Variants in TLL1 observed in about 807,000 individuals in gnomAD.
The protein encoded by TLL1 is tolloid like 1, also known as tolloid-like protein 1.
Under a neutral mutation model 128.2 loss-of-function variants are expected in TLL1, and 49 were observed. That is an observed-to-expected ratio of 0.38 (90% CI 0.30 to 0.48). The LOEUF is 0.48. Ranked by LOEUF, TLL1 falls within the 20% of genes least tolerant of loss-of-function variation. The pLI, the probability that TLL1 is intolerant of heterozygous loss-of-function variation, is 0.96. For synonymous variants in TLL1, 454 were observed against 418.8 expected, an observed-to-expected ratio of 1.08 and a Z score of -1.03; for missense variants, 1,123 against 1,242.0, an observed-to-expected ratio of 0.90 and a Z score of 1.44.
intron 9 of TLL1, among the ~76,000 whole-genome samples, chr4:166,026,493 C>G (rs1738497181): frequency 6.6e-6 from 1 of 152,038 alleles, no homozygotes; most frequent in Non-Finnish European, 1.5e-5. Flanking sequence ...TTGAGACCAG[C>G]CTGGCCAACA....
intron 1 of TLL1, among the ~76,000 whole-genome samples, chr4:165,924,987 T>G (rs1247667636): frequency 1.3e-5 from 2 of 152,202 alleles, no homozygotes; most frequent in Admixed American, 1.3e-4. Context: ...TTAAGTCCAC[T>G]GTGGAGACTT....
At chr4:166,084,285 C>G (rs959659194) in intron 18 of TLL1, among the ~76,000 whole-genome samples, 2 of 151,972 alleles carry the variant, frequency 1.3e-5, no homozygotes, top group African/African-American at 4.8e-5. Context: ...TGGATATTAG[C>G]CTGGTATCAG....
intron 12 of TLL1, among the ~76,000 whole-genome samples, chr4:166,047,380 G>A (rs921232079): frequency 4.0e-5 from 6 of 151,342 alleles, no homozygotes; most frequent in African/African-American, 1.2e-4. Flanking sequence ...TAGCCAGGAT[G>A]GTCTCGATCT....
intron 1 of TLL1, among the ~76,000 whole-genome samples, chr4:165,914,560 G>A (rs1238456141): frequency 6.6e-6 from 1 of 152,200 alleles, no homozygotes; most frequent in African/African-American, 2.4e-5. Context: ...CAATTTCATA[G>A]ATGCTCACAG....
At chr4:166,022,792 A>G (rs1738304638) in intron 8 of TLL1, among the ~76,000 whole-genome samples, 1 of 152,232 alleles carries the variant, frequency 6.6e-6, no homozygotes, top group Non-Finnish European at 1.5e-5. Flanking sequence ...GAACATACAT[A>G]TGGATTATCT....
At chr4:165,886,091 G>A (rs151313817) in intron 1 of TLL1, among the ~76,000 whole-genome samples, 224 of 152,098 alleles carry the variant, frequency 1.5e-3, no homozygotes, top group East Asian at 4.8e-3. Flanking sequence ...GCCAAAGCAA[G>A]TTTCACTTTT....
intron 12 of TLL1, among the ~76,000 whole-genome samples, chr4:166,047,170 CT>C (rs1033656240): frequency 3.0e-4 from 45 of 148,058 alleles, no homozygotes; most frequent in African/African-American, 5.7e-4. Context: ...GTTTATTATT[CT>C]TTTTTTTTTG....
At chr4:166,019,161 G>C (rs978046297) in intron 8 of TLL1, among the ~76,000 whole-genome samples, 1 of 152,128 alleles carries the variant, frequency 6.6e-6, no homozygotes, top group Non-Finnish European at 1.5e-5. Context: ...CAGCCGCATG[G>C]ATGGAGCTGG....
intron 1 of TLL1, among the ~76,000 whole-genome samples, chr4:165,950,731 A>G (rs184136037): frequency 2.0e-5 from 3 of 152,238 alleles, no homozygotes; most frequent in African/African-American, 7.2e-5. Context: ...GAAAATATAT[A>G]TGCAACATCA....
chr4:166,000,509 G>A (rs1460985347), intron 5 of TLL1, among the ~76,000 whole-genome samples: 1 of 152,096 alleles, frequency 6.6e-6, no homozygotes, highest in Non-Finnish European at 1.5e-5. Flanking sequence ...ATGCTAAAAA[G>A]GATGTTTTAG....
chr4:166,005,182 T>TA (rs1392898250), intron 6 of TLL1, among the ~76,000 whole-genome samples: 1 of 152,064 alleles, frequency 6.6e-6, no homozygotes, highest in Admixed American at 6.6e-5. Context: ...GAAATATTGA[T>TA]AAAACAGCAT....
intron 14 of TLL1, among the ~76,000 whole-genome samples, chr4:166,058,296 T>C (rs1171889766): frequency 6.6e-6 from 1 of 152,154 alleles, no homozygotes; most frequent in Non-Finnish European, 1.5e-5. Context: ...CTATCCATCA[T>C]TTGTTTTTAT....
intron 1 of TLL1, among the ~76,000 whole-genome samples, chr4:165,918,257 G>C (rs1394809440): frequency 6.6e-6 from 1 of 152,066 alleles, no homozygotes; most frequent in African/African-American, 2.4e-5. Flanking sequence ...TTAGATTTAA[G>C]GGTGACAGAA....
chr4:165,985,277 T>C (rs1179280175), intron 1 of TLL1, among the ~76,000 whole-genome samples: 3 of 151,978 alleles, frequency 2.0e-5, no homozygotes, highest in African/African-American at 7.2e-5. Flanking sequence ...AGGAAGGTTT[T>C]TCTGGGAAGG....
chr4:166,031,093 C>T (rs1738745851), intron 9 of TLL1: 1 of 797,774 alleles, frequency 1.3e-6, no homozygotes, highest in African/African-American at 1.9e-5. Context: ...TAAAATGAAG[C>T]TGCTTAAGAT....
At chr4:166,024,755 T>C (rs999522297) in intron 8 of TLL1, among the ~76,000 whole-genome samples, 1 of 152,210 alleles carries the variant, frequency 6.6e-6, no homozygotes, top group African/African-American at 2.4e-5. Flanking sequence ...ATTTACATCT[T>C]TTTGGAAAAT....
chr4:165,975,228 G>A (rs563181398), intron 1 of TLL1, among the ~76,000 whole-genome samples: 1 of 152,148 alleles, frequency 6.6e-6, no homozygotes, highest in African/African-American at 2.4e-5. Flanking sequence ...CCCAGAATCT[G>A]GGAATAAATT....
chr4:165,999,023 G>T (rs760069562), intron 5 of TLL1, among the ~76,000 whole-genome samples: 3 of 151,908 alleles, frequency 2.0e-5, no homozygotes, highest in African/African-American at 7.3e-5. Context: ...GAAGGTCCTC[G>T]TCTCCATTTG....
At chr4:165,914,246 C>A (rs1732679483) in intron 1 of TLL1, among the ~76,000 whole-genome samples, 1 of 152,096 alleles carries the variant, frequency 6.6e-6, no homozygotes, top group Admixed American at 6.5e-5. Flanking sequence ...ATCGCTACCC[C>A]AGAAAACAAT....
Sources: allele counts gnomAD v4.1 joint callset (sites outside exome capture counted in the v4.1 genomes callset), GRCh38; gene constraint gnomAD v4.1.1; transcripts MANE v1.5; gene names NCBI Gene and HGNC (gene_info 2026-07-23, HGNC 2026-07-21).